Variants in METTL15 observed in about 807,000 individuals in gnomAD.
The protein encoded by METTL15 is methyltransferase 15, mitochondrial 12S rRNA N4-cytidine.
Under a neutral mutation model 38.3 loss-of-function variants are expected in METTL15, and 34 were observed. The observed-to-expected ratio is 0.89, with a 90% CI of 0.68 to 1.18. The LOEUF is 1.18. METTL15 is among the 50% of genes most tolerant of loss of function. The pLI, the probability that METTL15 is intolerant of heterozygous loss-of-function variation, is 0.00. For missense variants in METTL15, 438 were observed against 498.4 expected (o/e 0.88, Z 1.15); for synonymous variants, 162 against 170.9 (o/e 0.95, Z 0.41).
intron 6 of METTL15, among the ~76,000 whole-genome samples, chr11:28,469,258 C>T (rs75491905): frequency 2.0e-5 from 3 of 151,988 alleles, no homozygotes; most frequent in East Asian, 3.9e-4. Flanking sequence ...TCTGATTGAC[C>T]TTTTTCCCCC....
chr11:28,163,286 A>G, intron 3 of METTL15: 2 of 397,432 alleles, frequency 5.0e-6, no homozygotes. Flanking sequence ...TTGAAGAAAA[A>G]AAAGTATGGC....
chr11:28,163,381 GTTACCA>G (rs1379341670), intron 3 of METTL15: 1 of 398,146 alleles, frequency 2.5e-6, no homozygotes, highest in Non-Finnish European at 4.4e-6. Flanking sequence ...TTCTGCACCT[GTTACCA>G]GAACTTCATT....
intron 5 of METTL15, among the ~76,000 whole-genome samples, chr11:28,412,033 C>T (rs908176049): frequency 1.3e-5 from 2 of 151,922 alleles, no homozygotes; most frequent in African/African-American, 4.8e-5. Context: ...AGATTAAAAC[C>T]ACTATGAGAT....
At chr11:28,192,818 G>A (rs1196502738) in intron 3 of METTL15, among the ~76,000 whole-genome samples, 2 of 152,046 alleles carry the variant, frequency 1.3e-5, no homozygotes, top group African/African-American at 2.4e-5. Flanking sequence ...GGCCCCAAAT[G>A]TCAGTAGTGC....
At chr11:28,335,366 T>C (rs545850791), downstream of METTL15, among the ~76,000 whole-genome samples, 1 of 152,342 alleles carries the variant, frequency 6.6e-6, no homozygotes, top group East Asian at 1.9e-4. Context: ...ATGTATGAAC[T>C]TGGACATCCT....
intron 3 of METTL15, among the ~76,000 whole-genome samples, chr11:28,148,145 T>G (rs1849953285): frequency 6.6e-6 from 1 of 151,948 alleles, no homozygotes; most frequent in Non-Finnish European, 1.5e-5. Flanking sequence ...GGGAATATAG[T>G]TTTTCATTTG....
At chr11:28,430,215 G>A (rs1315025333) in intron 6 of METTL15, among the ~76,000 whole-genome samples, 6 of 151,454 alleles carry the variant, frequency 4.0e-5, no homozygotes, top group East Asian at 2.0e-4. Context: ...CACCCCGTCC[G>A]GGAGGGAGGT....
At position 28,290,446 on chromosome 11, in the gene METTL15, A is replaced by G. The variant is rs748614257; in HGVS notation, c.599+49A>G. On this transcript the variant is annotated intron_variant, in intron 5 of 6. Coordinates refer to ENST00000407364, the MANE Select transcript of METTL15 (RefSeq NM_001113528.2). ...TCTCACAACAAGAAATCAATTTGTC[A>G]AAAACACTCTGAATTTAATTTTTTT... The G allele has an allele frequency of 2.6e-6, 4 of 1,534,738 alleles. No individual in the cohort carries two copies. The African/African-American group carries it at 4.2e-5, about 16-fold the overall frequency.
intron 6 of METTL15, among the ~76,000 whole-genome samples, chr11:28,307,771 G>A (rs939879160): frequency 6.6e-6 from 1 of 151,974 alleles, no homozygotes; most frequent in African/African-American, 2.4e-5. Flanking sequence ...CACTGATGAA[G>A]ATGAAGACAA....
At chr11:28,376,532 A>G (rs1417625140) in intron 5 of METTL15, among the ~76,000 whole-genome samples, 4 of 152,016 alleles carry the variant, frequency 2.6e-5, no homozygotes, top group African/African-American at 9.7e-5. Context: ...ATCTTCCTGC[A>G]TCCTTTTATT....
At chr11:28,168,290 G>A (rs1188729038) in intron 3 of METTL15, among the ~76,000 whole-genome samples, 1 of 151,706 alleles carries the variant, frequency 6.6e-6, no homozygotes, top group African/African-American at 2.4e-5. Context: ...ACAAGCATAT[G>A]TAAACTAATT....
At chr11:28,115,637 G>T (rs1851909170) in intron 3 of METTL15, among the ~76,000 whole-genome samples, 1 of 152,058 alleles carries the variant, frequency 6.6e-6, no homozygotes, top group African/African-American at 2.4e-5. Flanking sequence ...AATATTAAGA[G>T]AATCATAAGG....
intron 3 of METTL15, among the ~76,000 whole-genome samples, chr11:28,117,818 A>T (rs761523077): frequency 1.3e-5 from 2 of 152,168 alleles, no homozygotes; most frequent in Non-Finnish European, 2.9e-5. Context: ...GTCCTTGGAC[A>T]GGAAAGGTCT....
chr11:28,480,487 A>G (rs1023911464), intron 6 of METTL15, among the ~76,000 whole-genome samples: 86 of 152,318 alleles, frequency 5.6e-4, no homozygotes, highest in African/African-American at 2.0e-3. Context: ...TAAAATTTTT[A>G]TTAATGGCTG....
At chr11:28,245,396 T>C (rs999216568) in intron 4 of METTL15, among the ~76,000 whole-genome samples, 6 of 152,150 alleles carry the variant, frequency 3.9e-5, no homozygotes, top group African/African-American at 1.2e-4. Context: ...GCCAAACTAC[T>C]ATTTCAAGGT....
intron 6 of METTL15, among the ~76,000 whole-genome samples, chr11:28,471,593 C>G (rs1851303637): frequency 6.6e-6 from 1 of 152,026 alleles, no homozygotes; most frequent in Admixed American, 6.6e-5. Flanking sequence ...CTTCCAGCTC[C>G]CCCATCATGC....
At chr11:28,220,276 T>C (rs1468252433) in intron 4 of METTL15, among the ~76,000 whole-genome samples, 3 of 152,200 alleles carry the variant, frequency 2.0e-5, no homozygotes, top group Non-Finnish European at 4.4e-5. Flanking sequence ...TTAGGATAGT[T>C]AGCTCTTCTT....
At position 28,211,302 on chromosome 11, in the gene METTL15, T is replaced by C. The variant is rs751401893; in HGVS notation, c.407+104T>C. ...CTGCTTTGCATGGGCTATATTTTAC[T>C]CCAGTAAATATTTTCTTCTTTTTTC... On this transcript the variant is annotated intron_variant, in intron 4 of 6. Transcript: ENST00000407364. The C allele has an allele frequency of 6.7e-4, 673 of 1,005,998 alleles. 1 individual carries two copies. Among genetic ancestry groups the C allele is most frequent in the Non-Finnish European group, 8.4e-4 (606 of 723,778 alleles). 62.3% of individuals were successfully genotyped at this position (1,005,998 alleles called of 1,614,324 possible). A position where few individuals can be genotyped will look rare whatever the true frequency, so the allele number is the denominator to read the frequency against.
chr11:28,114,658 C>G (rs934194137), intron 3 of METTL15, among the ~76,000 whole-genome samples: 1 of 152,060 alleles, frequency 6.6e-6, no homozygotes, highest in African/African-American at 2.4e-5. Context: ...ACCATGTTGG[C>G]CAGGCTGGTC....
Sources: gnomAD v4.1 joint callset for allele counts (sites outside exome capture counted in the v4.1 genomes callset) on GRCh38, gnomAD v4.1.1 for gene constraint, MANE v1.5 for transcripts, NCBI Gene and HGNC (gene_info 2026-07-23, HGNC 2026-07-21) for gene names.